Variants in DNM3 observed in about 807,000 individuals in gnomAD.
DNM3 encodes the protein dynamin 3.
In DNM3, 47 loss-of-function variants were observed where a neutral mutation model predicts 101.6. The ratio of observed to expected loss-of-function variants is 0.46; its 90% CI spans 0.37 to 0.59. The LOEUF (loss-of-function observed/expected upper bound fraction) is 0.59. Ranked by LOEUF, DNM3 falls within the 20% of genes least tolerant of loss-of-function variation. DNM3 has a pLI of 0.00. For missense variants in DNM3, 849 were observed against 1,085.7 expected, an observed-to-expected ratio of 0.78 and a Z score of 3.06; for synonymous variants, 385 against 387.9, an observed-to-expected ratio of 0.99 and a Z score of 0.09.
chr1:172,338,834 C>G (rs771654551), intron 17 of DNM3: 3 of 480,906 alleles, frequency 6.2e-6, no homozygotes, highest in Non-Finnish European at 1.3e-5. Flanking sequence ...ATAATCAATC[C>G]TTCATTATGG....
chr1:172,283,109 T>C (rs533573082), intron 15 of DNM3, among the ~76,000 whole-genome samples: 18 of 152,328 alleles, frequency 1.2e-4, no homozygotes, highest in Admixed American at 6.5e-4. Flanking sequence ...CTTCATATCC[T>C]TGTGCCACAT....
intron 15 of DNM3, among the ~76,000 whole-genome samples, chr1:172,271,136 G>C (rs941093623): frequency 2.0e-5 from 3 of 152,094 alleles, no homozygotes; most frequent in Admixed American, 2.0e-4. Context: ...TATGTGGACT[G>C]TGTGTGGATT....
At chr1:172,369,601 A>G (rs2068213808) in intron 17 of DNM3, among the ~76,000 whole-genome samples, 1 of 151,984 alleles carries the variant, frequency 6.6e-6, no homozygotes, top group Non-Finnish European at 1.5e-5. Flanking sequence ...TTAACATAGT[A>G]CTGGAAGTTC....
At chr1:172,278,756 C>T (rs943461660) in intron 15 of DNM3, among the ~76,000 whole-genome samples, 15 of 152,132 alleles carry the variant, frequency 9.9e-5, no homozygotes, top group Non-Finnish European at 2.2e-4. Context: ...TACTTCACTG[C>T]CTCTAAAGTT....
chr1:172,341,117 G>A (rs950490746), intron 17 of DNM3, among the ~76,000 whole-genome samples: 7 of 152,088 alleles, frequency 4.6e-5, no homozygotes, highest in Non-Finnish European at 4.4e-5. Flanking sequence ...GCCAAATCAG[G>A]AAATCAATCC....
chr1:171,893,720 G>T (rs751542583), intron 1 of DNM3, among the ~76,000 whole-genome samples: 26 of 152,160 alleles, frequency 1.7e-4, no homozygotes, highest in Non-Finnish European at 3.7e-4. Context: ...TTCCCAAAGT[G>T]CTGGGATTAC....
intron 10 of DNM3, among the ~76,000 whole-genome samples, chr1:172,059,353 G>A (rs1293435922): frequency 3.2e-5 from 4 of 123,850 alleles, no homozygotes; most frequent in South Asian, 2.9e-4. Flanking sequence ...TATGAGGCCA[G>A]CATCATTCTG....
chr1:172,295,019 C>G (rs2064099383), intron 15 of DNM3, among the ~76,000 whole-genome samples: 1 of 151,878 alleles, frequency 6.6e-6, no homozygotes, highest in Non-Finnish European at 1.5e-5. Flanking sequence ...GATGGAAATC[C>G]TCAAAGACAC....
intron 14 of DNM3, among the ~76,000 whole-genome samples, chr1:172,218,327 T>G (rs2060779334): frequency 6.6e-6 from 1 of 152,128 alleles, no homozygotes. Context: ...GGGTTTGGAT[T>G]ATGTACATGA....
intron 11 of DNM3, among the ~76,000 whole-genome samples, chr1:172,076,925 G>A (rs2052703019): frequency 6.6e-6 from 1 of 152,144 alleles, no homozygotes; most frequent in Admixed American, 6.5e-5. Context: ...ACAGAATTCA[G>A]CTGTGAATCC....
At position 172,175,058 on chromosome 1, in the gene DNM3, G is replaced by A. The variant is rs1473690028; in HGVS notation, c.1659+43770G>A. Among the ~76,000 whole-genome samples, 8 of 151,704 alleles carry A rather than the reference G, an allele frequency of 5.3e-5. No individual in the cohort carries two copies. The East Asian group carries it at 5.8e-4, about 11-fold the overall frequency. On this transcript the variant is annotated intron_variant, in intron 14 of 20. Transcript: ENST00000627582. ...CAGCATTCTAACAAAACAAGTACCA[G>A]GGAATTTTATTTCTAACAACAGTTT... is the stretch of plus-strand genomic sequence containing the variant.
At chr1:172,138,596 G>A in intron 14 of DNM3, 1 of 198,458 alleles carries the variant, frequency 5.0e-6, no homozygotes, top group Non-Finnish European at 1.1e-5. Flanking sequence ...TTTCAGAAAT[G>A]GGTTTTATTA....
intron 16 of DNM3, among the ~76,000 whole-genome samples, chr1:172,312,306 A>T (rs1197689173): frequency 6.6e-6 from 1 of 152,224 alleles, no homozygotes; most frequent in African/African-American, 2.4e-5. Flanking sequence ...ATGCATGGAC[A>T]TGAGTCTAAA....
chr1:171,887,673 C>CA (rs963730122), intron 1 of DNM3, among the ~76,000 whole-genome samples: 2 of 151,546 alleles, frequency 1.3e-5, no homozygotes, highest in African/African-American at 2.4e-5. Flanking sequence ...TCACGTGGTT[C>CA]AAAAAAATCT....
At chr1:172,069,166 AT>A (rs2051953524) in intron 11 of DNM3, among the ~76,000 whole-genome samples, 1 of 152,046 alleles carries the variant, frequency 6.6e-6, no homozygotes, top group African/African-American at 2.4e-5. Context: ...GAGTTTCATT[AT>A]TTTTTTTCTC....
At chr1:171,950,331 AT>A (rs928607565) in intron 2 of DNM3, among the ~76,000 whole-genome samples, 6 of 152,126 alleles carry the variant, frequency 3.9e-5, no homozygotes, top group African/African-American at 1.4e-4. Flanking sequence ...TATAATTTAA[AT>A]TTTTATCTTT....
intron 14 of DNM3, among the ~76,000 whole-genome samples, chr1:172,206,356 C>T (rs2060321555): frequency 6.6e-6 from 1 of 152,082 alleles, no homozygotes; most frequent in African/African-American, 2.4e-5. Context: ...AACAATCACA[C>T]AAGTGTTTTT....
chr1:172,360,053 T>A (rs1412976557), intron 17 of DNM3, among the ~76,000 whole-genome samples: 1 of 152,044 alleles, frequency 6.6e-6, no homozygotes, highest in Non-Finnish European at 1.5e-5. Context: ...ACACTAAAAT[T>A]GATTTTTTTA....
intron 19 of DNM3, among the ~76,000 whole-genome samples, chr1:172,387,725 T>G (rs957294943): frequency 2.0e-5 from 3 of 149,058 alleles, no homozygotes; most frequent in African/African-American, 7.3e-5. Flanking sequence ...AATATCATTT[T>G]CTGAGAGTGC....
Sources: allele counts gnomAD v4.1 joint callset (sites outside exome capture counted in the v4.1 genomes callset), GRCh38; gene constraint gnomAD v4.1.1; transcripts MANE v1.5; gene names NCBI Gene and HGNC (gene_info 2026-07-23, HGNC 2026-07-21).